The following PTPRD variants were observed in gnomAD, a reference collection of about 807,000 sequenced individuals.
PTPRD encodes the protein protein tyrosine phosphatase receptor type D.
PTPRD carries 34 observed loss-of-function variants against 214.5 expected under a neutral mutation model. The ratio of observed to expected loss-of-function variants is 0.16; its 90% CI spans 0.12 to 0.21. PTPRD has a LOEUF of 0.21. Ranked by LOEUF, PTPRD falls within the 10% of genes least tolerant of loss-of-function variation. PTPRD has a pLI of 1.00. For synonymous variants in PTPRD, 1,128 were observed against 845.7 expected (o/e 1.33, Z -5.79); for missense variants, 2,545 against 2,398.7 (o/e 1.06, Z -1.27).
chr9:9,046,114 T>A (rs542917681), intron 10 of PTPRD, among the ~76,000 whole-genome samples: 5 of 152,314 alleles, frequency 3.3e-5, no homozygotes, highest in African/African-American at 1.2e-4. Flanking sequence ...AACTTTATTA[T>A]CTATATCTTT....
At chr9:9,092,577 T>G (rs2154432891) in intron 10 of PTPRD, among the ~76,000 whole-genome samples, 1 of 152,216 alleles carries the variant, frequency 6.6e-6, no homozygotes, top group South Asian at 2.1e-4. Flanking sequence ...AAGTTATGAC[T>G]TGAAAAGTTA....
intron 3 of PTPRD, among the ~76,000 whole-genome samples, chr9:10,047,407 CAAT>C (rs1401987802): frequency 6.6e-6 from 1 of 151,142 alleles, no homozygotes; most frequent in African/African-American, 2.4e-5. Flanking sequence ...GCTGAACACA[CAAT>C]GATTGTTAGA....
chr9:10,550,428 C>G (rs1590689177), intron 2 of PTPRD, among the ~76,000 whole-genome samples: 1 of 152,090 alleles, frequency 6.6e-6, no homozygotes, highest in Non-Finnish European at 1.5e-5. Context: ...TTCCAGGAAA[C>G]AGAAGTGAGG....
At chr9:9,074,356 T>C (rs996936815) in intron 10 of PTPRD, among the ~76,000 whole-genome samples, 1 of 152,102 alleles carries the variant, frequency 6.6e-6, no homozygotes, top group African/African-American at 2.4e-5. Flanking sequence ...TCATTGATAA[T>C]GAAAATGCTT....
At position 9,875,634 on chromosome 9, in the gene PTPRD, A is replaced by C. The variant is rs76104554; in HGVS notation, c.-368+62873T>G. On this transcript the variant is annotated intron_variant, in intron 5 of 45. Coordinates refer to ENST00000381196, the MANE Select transcript of PTPRD (RefSeq NM_002839.4). ...AATTATTGTAGGTTAACAATGTCTT[A>C]TCAGTTTGGAAACACAGTCTGAAAC... Among the ~76,000 whole-genome samples, 12 of 152,254 alleles carry C rather than the reference A, an allele frequency of 7.9e-5. No individual in the cohort carries two copies. The South Asian group carries it at 2.5e-3, about 32-fold the overall frequency.
At chr9:8,570,915 G>T (rs535035667) in intron 14 of PTPRD, among the ~76,000 whole-genome samples, 1 of 151,704 alleles carries the variant, frequency 6.6e-6, no homozygotes. Context: ...GGCTGAGAGC[G>T]CTCTACAAGG....
At chr9:10,308,284 T>C (rs953191729) in intron 3 of PTPRD, among the ~76,000 whole-genome samples, 10 of 152,124 alleles carry the variant, frequency 6.6e-5, no homozygotes, top group Non-Finnish European at 1.5e-4. Context: ...TGCATATGGA[T>C]GTCCAATGTT....
chr9:10,178,745 G>A (rs906616948), intron 3 of PTPRD, among the ~76,000 whole-genome samples: 2 of 151,912 alleles, frequency 1.3e-5, no homozygotes, highest in Non-Finnish European at 2.9e-5. Flanking sequence ...GGGCTTTCCT[G>A]TGCATTATAG....
chr9:9,874,034 A>G (rs775637592), intron 5 of PTPRD, among the ~76,000 whole-genome samples: 1 of 152,184 alleles, frequency 6.6e-6, no homozygotes, highest in Non-Finnish European at 1.5e-5. Context: ...AGATATTTTT[A>G]GGACCTCACA....
intron 8 of PTPRD, among the ~76,000 whole-genome samples, chr9:9,492,762 C>A (rs1333389913): frequency 6.6e-6 from 1 of 151,200 alleles, no homozygotes; most frequent in Non-Finnish European, 1.5e-5. Context: ...AACCCTGAGT[C>A]AAGCAAGTCT....
At chr9:9,852,914 A>G (rs1388684603) in intron 5 of PTPRD, among the ~76,000 whole-genome samples, 1 of 152,148 alleles carries the variant, frequency 6.6e-6, no homozygotes, top group Non-Finnish European at 1.5e-5. Flanking sequence ...TCTGTGCACT[A>G]TACCTGAGTG....
intron 5 of PTPRD, among the ~76,000 whole-genome samples, chr9:9,841,886 TTTC>T (rs2058412373): frequency 6.6e-6 from 1 of 152,166 alleles, no homozygotes; most frequent in Admixed American, 6.6e-5. Flanking sequence ...CTGTTGGATT[TTTC>T]TTCTTAGAAT....
At chr9:8,926,504 T>C (rs1250861650) in intron 11 of PTPRD, among the ~76,000 whole-genome samples, 1 of 152,162 alleles carries the variant, frequency 6.6e-6, no homozygotes, top group African/African-American at 2.4e-5. Context: ...CCCTGAACTC[T>C]AGAAAGGAAA....
chr9:9,716,637 C>T (rs1170339307), intron 7 of PTPRD, among the ~76,000 whole-genome samples: 1 of 152,150 alleles, frequency 6.6e-6, no homozygotes, highest in Non-Finnish European at 1.5e-5. Context: ...TGTTTTTTGG[C>T]TGCATAAATG....
chr9:9,168,010 T>C (rs921141246), intron 10 of PTPRD, among the ~76,000 whole-genome samples: 2 of 152,170 alleles, frequency 1.3e-5, no homozygotes, highest in African/African-American at 4.8e-5. Flanking sequence ...ATCAGATAAC[T>C]GATTTTTTTT....
chr9:9,723,308 T>C (rs538777656), intron 7 of PTPRD, among the ~76,000 whole-genome samples: 3 of 152,230 alleles, frequency 2.0e-5, no homozygotes, highest in African/African-American at 7.2e-5. Context: ...GGCACCTTTG[T>C]CAAAGATCAG....
At chr9:9,459,955 CTA>C (rs1320462763) in intron 8 of PTPRD, among the ~76,000 whole-genome samples, 1 of 151,990 alleles carries the variant, frequency 6.6e-6, no homozygotes, top group Non-Finnish European at 1.5e-5. Context: ...TACTTCAAGG[CTA>C]TAGTAACCAA....
At chr9:9,440,227 G>C (rs117880329) in intron 8 of PTPRD, among the ~76,000 whole-genome samples, 280 of 152,244 alleles carry the variant, frequency 1.8e-3, no homozygotes, top group South Asian at 8.3e-3. Flanking sequence ...CTTTTAACTT[G>C]TAAATATTCA....
intron 9 of PTPRD, among the ~76,000 whole-genome samples, chr9:9,190,501 C>T (rs529721265): frequency 6.6e-6 from 1 of 151,970 alleles, no homozygotes; most frequent in South Asian, 2.1e-4. Context: ...GATTCTGAGG[C>T]CCCCCCAGCC....
Sources: allele counts gnomAD v4.1 joint callset (sites outside exome capture counted in the v4.1 genomes callset), GRCh38; gene constraint gnomAD v4.1.1; transcripts MANE v1.5; gene names NCBI Gene and HGNC (gene_info 2026-07-23, HGNC 2026-07-21).